The following TDRD12 variants were observed in gnomAD, a reference collection of about 807,000 sequenced individuals.
TDRD12 encodes the protein tudor domain containing 12, also known as putative ATP-dependent RNA helicase TDRD12.
TDRD12 carries 158 observed loss-of-function variants against 133.5 expected under a neutral mutation model. The ratio of observed to expected loss-of-function variants is 1.18; its 90% confidence interval spans 1.04 to 1.35. The LOEUF is 1.35. Ranked by LOEUF, TDRD12 falls within the 40% of genes most tolerant of loss-of-function variation. The pLI, the probability that TDRD12 is intolerant of heterozygous loss-of-function variation, is 0.00. For synonymous variants in TDRD12, 460 were observed against 477.9 expected (o/e 0.96, Z 0.49); for missense variants, 1,443 against 1,321.3 (o/e 1.09, Z -1.43).
At chr19:32,791,507 A>T (rs183689224) in intron 13 of TDRD12, among the ~76,000 whole-genome samples, 119 of 152,184 alleles carry the variant, frequency 7.8e-4, no homozygotes, top group East Asian at 1.9e-3. Flanking sequence ...TTAAAAAAAA[A>T]TTTTTTTTAA....
intron 12 of TDRD12, 146 bp downstream of exon 12, chr19:32,790,737 C>T (rs902437466): frequency 1.6e-5 from 25 of 1,535,958 alleles, no homozygotes; most frequent in Middle Eastern, 1.7e-4. Context: ...CTTTTAGAAA[C>T]GATCGAATGG....
exon 1 of TDRD12, chr19:32,719,925 C>T (rs1156516716): frequency 3.0e-6 from 3 of 999,990 alleles, no homozygotes; most frequent in Non-Finnish European, 4.4e-6. Flanking sequence ...GTGTGGGGCA[C>T]CTGCCGCGGG....
intron 9 of TDRD12, 148 bp from the exon 33 acceptor site, chr19:32,827,016 G>A (rs1385922115): frequency 4.7e-6 from 2 of 428,632 alleles, no homozygotes; most frequent in African/African-American, 2.0e-5. Context: ...AATTTGACCT[G>A]CTCATTTCTT....
At chr19:32,787,202 T>TG (rs1050320952) in intron 11 of TDRD12, among the ~76,000 whole-genome samples, 3 of 152,180 alleles carry the variant, frequency 2.0e-5, no homozygotes, top group Non-Finnish European at 2.9e-5. Flanking sequence ...GCAGCTCTGT[T>TG]GGAGTTTGCT....
At chr19:32,740,281 C>T (rs1969379437) in intron 3 of TDRD12, among the ~76,000 whole-genome samples, 1 of 93,456 alleles carries the variant, frequency 1.1e-5, no homozygotes, top group Non-Finnish European at 2.0e-5. Context: ...CTCCTGGGCG[C>T]TCTCTGCATC....
intron 13 of TDRD12, among the ~76,000 whole-genome samples, chr19:32,793,170 A>T (rs1429033094): frequency 6.9e-6 from 1 of 145,294 alleles, no homozygotes; most frequent in Non-Finnish European, 1.5e-5. Flanking sequence ...TGGGCACAGA[A>T]CGAGACTCTG....
At chr19:32,773,989 G>A (rs1196800411) in intron 10 of TDRD12, among the ~76,000 whole-genome samples, 1 of 152,208 alleles carries the variant, frequency 6.6e-6, no homozygotes, top group Non-Finnish European at 1.5e-5. Context: ...CCTGATGAGA[G>A]GGATGGCCTC....
intron 22 of TDRD12, among the ~76,000 whole-genome samples, chr19:32,809,776 T>C (rs1048596385): frequency 6.6e-6 from 1 of 152,224 alleles, no homozygotes; most frequent in African/African-American, 2.4e-5. Flanking sequence ...CAGTGCTATT[T>C]TAAGAAGAAT....
intron 21 of TDRD12, among the ~76,000 whole-genome samples, chr19:32,804,044 A>C (rs1315702881): frequency 6.6e-6 from 1 of 151,962 alleles, no homozygotes; most frequent in African/African-American, 2.4e-5. Flanking sequence ...TACTCTGCTG[A>C]TGATGAACAG....
At chr19:32,732,582 G>A (rs1004753860) in intron 2 of TDRD12, among the ~76,000 whole-genome samples, 2 of 152,164 alleles carry the variant, frequency 1.3e-5, no homozygotes, top group African/African-American at 2.4e-5. Context: ...CTTACTCCAC[G>A]CCGTGGCCCC....
chr19:32,800,569 C>G, intron 17 of TDRD12, 75 bp from the exon 18 acceptor site: 1 of 1,271,826 alleles, frequency 7.9e-7, no homozygotes, highest in Non-Finnish European at 1.0e-6. Context: ...TATTAAAATC[C>G]CAACACCTGT....
exon 6 of TDRD12, chr19:32,749,811 G>C (rs1446436314): frequency 6.4e-7 from 1 of 1,550,640 alleles, no homozygotes; most frequent in Non-Finnish European, 8.7e-7. Flanking sequence ...GCCAGATTAT[G>C]TGCTGTGGAA....
chr19:32,741,820 G>A (rs1969436145), intron 3 of TDRD12, among the ~76,000 whole-genome samples: 6 of 152,194 alleles, frequency 3.9e-5, no homozygotes, highest in Admixed American at 3.9e-4. Context: ...GGCCAAGGCA[G>A]GAGGATCGCT....
rs751791365 is a variant in TDRD12 at position 32,821,004 on chromosome 19, A to G, written c.3384-29A>G. On this transcript the variant is annotated intron_variant, in intron 27 of 27. Coordinates refer to ENST00000444215, the Ensembl canonical transcript of TDRD12. Reference sequence around the variant, plus strand: ...ACTTGGGCAGTTCCTGTAGAGAGCCAGGTGTTAACCCCTGCCTCTCCCGTC... The same window carrying G: ...ACTTGGGCAGTTCCTGTAGAGAGCCGGGTGTTAACCCCTGCCTCTCCCGTC... The G allele has an allele frequency of 2.6e-6, 4 of 1,516,910 alleles. No individual in the cohort carries two copies. In the South Asian group the frequency reaches 4.8e-5, roughly 18 times the overall value. The allele number at this position is 1,516,910 out of a possible 1,614,324, so 94.0% of individuals were successfully genotyped here.
intron 1 of TDRD12, among the ~76,000 whole-genome samples, chr19:32,727,106 G>A (rs1045772587): frequency 3.3e-5 from 5 of 152,094 alleles, no homozygotes; most frequent in Admixed American, 6.6e-5. Context: ...ATTATTTTCT[G>A]TTTTAACACA....
intron 8 of TDRD12, among the ~76,000 whole-genome samples, chr19:32,763,339 T>C (rs1970203794): frequency 6.6e-6 from 1 of 152,194 alleles, no homozygotes; most frequent in African/African-American, 2.4e-5. Flanking sequence ...GTCAGTCTTC[T>C]AGGGAGCCTG....
At chr19:32,757,956 A>G (rs1194246485) in intron 8 of TDRD12, among the ~76,000 whole-genome samples, 4 of 152,218 alleles carry the variant, frequency 2.6e-5, no homozygotes, top group Non-Finnish European at 4.4e-5. Flanking sequence ...AAAGAAAGAT[A>G]CAAAGGGTTT....
At chr19:32,810,591 C>T (rs115865328) in intron 23 of TDRD12, among the ~76,000 whole-genome samples, 198 of 152,306 alleles carry the variant, frequency 1.3e-3, no homozygotes, top group African/African-American at 4.3e-3. Context: ...ACAGCCTTGG[C>T]GATGTTACGA....
intron 26 of TDRD12, 77 bp downstream of exon 26, chr19:32,815,697 A>G (rs1308704126): frequency 1.4e-6 from 2 of 1,393,786 alleles, no homozygotes; most frequent in African/African-American, 2.9e-5. Context: ...GACATGTTTT[A>G]TGAAAGTAGA....
Sources: allele counts gnomAD v4.1 joint callset (sites outside exome capture counted in the v4.1 genomes callset), GRCh38; gene constraint gnomAD v4.1.1; transcripts MANE v1.5; gene names NCBI Gene and HGNC (gene_info 2026-07-23, HGNC 2026-07-21).